The following AQP11 variants were observed in gnomAD, a reference collection of about 807,000 sequenced individuals.
AQP11 encodes aquaporin-11.
A neutral mutation model predicts 21.1 loss-of-function variants in AQP11; 20 were observed. That is an observed-to-expected ratio of 0.95 (90% CI 0.67 to 1.38). The LOEUF is 1.38. Among genes scored for constraint, AQP11 ranks in the 40% most tolerant of loss-of-function variants. The pLI, the probability that AQP11 is intolerant of heterozygous loss-of-function variation, is 0.00. For synonymous variants in AQP11, 167 were observed against 150.1 expected (o/e 1.11, Z -0.82); for missense variants, 339 against 340.4 (o/e 1.00, Z 0.03).
At chr11:77,602,549 T>C (rs1276097279) in intron 1 of AQP11, among the ~76,000 whole-genome samples, 1 of 152,240 alleles carries the variant, frequency 6.6e-6, no homozygotes, top group East Asian at 1.9e-4. Flanking sequence ...TGAATCATGC[T>C]GTGAGGCTGG....
chr11:77,604,130 G>A (rs867404022), intron 2 of AQP11, among the ~76,000 whole-genome samples: 2 of 150,362 alleles, frequency 1.3e-5, no homozygotes, highest in Admixed American at 6.6e-5. Flanking sequence ...GTTTTTTTTC[G>A]AGACAGGGTC....
rs767695226 is a variant in AQP11, at chr11:77,590,548, G to C, written c.556G>C (p.Glu186Gln). The change falls in exon 1 of 3, where the codon GAA (glutamate) becomes CAA (glutamine). Residue 186 changes from glutamate to glutamine, a missense_variant. Glu to Gln is a conservative substitution (Grantham distance 29, BLOSUM62 2). Coordinates refer to ENST00000313578, the MANE Select transcript of AQP11 (RefSeq NM_173039.3). ...LFHSALLHFQ[E>Q]VRTKLRIHLL... Reference sequence around the variant, plus strand: ...CCACAGCGCTCTGCTGCACTTCCAGGAAGTCCGAACCAAGCTTCGTATCCA... The same window carrying C: ...CCACAGCGCTCTGCTGCACTTCCAGCAAGTCCGAACCAAGCTTCGTATCCA... The C allele has an allele frequency of 1.2e-6, 2 of 1,614,188 alleles. No homozygotes were observed. The highest frequency in any genetic ancestry group is 1.7e-6 in the Non-Finnish European group (2 of 1,180,042).
intron 1 of AQP11, among the ~76,000 whole-genome samples, chr11:77,593,679 G>A (rs1164192796): frequency 6.6e-6 from 1 of 151,906 alleles, no homozygotes; most frequent in Non-Finnish European, 1.5e-5. Context: ...ACAACCCATC[G>A]ATGAATATAT....
Position 77,607,427 on chromosome 11 carries a change from G to C in AQP11, c.737-1871G>C, listed in dbSNP as rs114340729. 7.4e-3 allele frequency among the ~76,000 whole-genome samples: 1,125 copies of C among 152,214 alleles called. 16 individuals carry two copies. Among genetic ancestry groups the C allele is most frequent in the African/African-American group, 0.026 (1,090 of 41,536 alleles). On this transcript the variant is annotated intron_variant, in intron 2 of 2. Coordinates refer to ENST00000313578, the MANE Select transcript of AQP11 (RefSeq NM_173039.3). ...AGGGTGCCAGGGGAGTGAGACAGAG[G>C]AAAGAGTAATCCCAAGGTATCCACC...
At chr11:77,608,518 C>G (rs1958859097) in intron 2 of AQP11, among the ~76,000 whole-genome samples, 1 of 152,128 alleles carries the variant, frequency 6.6e-6, no homozygotes, top group Admixed American at 6.6e-5. Context: ...GAGGCTGAGG[C>G]AGGAGAATCG....
At chr11:77,600,839 C>T (rs1481684556) in intron 1 of AQP11, among the ~76,000 whole-genome samples, 1 of 151,916 alleles carries the variant, frequency 6.6e-6, no homozygotes, top group African/African-American at 2.4e-5. Context: ...GGTGAAACCC[C>T]GTCTCTACTA....
chr11:77,596,464 A>G (rs1180246472), intron 1 of AQP11, among the ~76,000 whole-genome samples: 2 of 142,980 alleles, frequency 1.4e-5, no homozygotes, highest in African/African-American at 5.1e-5. Context: ...AAATATATAT[A>G]TATATGTAAA....
chr11:77,603,739 A>G, intron 2 of AQP11, 67 bp downstream of exon 2: 1 of 1,151,192 alleles, frequency 8.7e-7, no homozygotes. Flanking sequence ...TGTGTATATC[A>G]TTGTAACATG....
chr11:77,601,656 CTG>C (rs2135749152), intron 1 of AQP11, among the ~76,000 whole-genome samples: 1 of 152,284 alleles, frequency 6.6e-6, no homozygotes, highest in African/African-American at 2.4e-5. Flanking sequence ...GGCCCCAAAA[CTG>C]AGAATAACTT....
Position 77,609,991 on chromosome 11 carries a change from G to C in AQP11, c.*614G>C, listed in dbSNP as rs1958868169. On this transcript the variant is annotated 3_prime_UTR_variant, in exon 3 of 3. Coordinates refer to ENST00000313578, the MANE Select transcript of AQP11 (RefSeq NM_173039.3). The stretch of plus-strand genomic sequence containing the variant: ...AGACAATCTCACTAGCTCCAGCCAA[G>C]TGGTTATTCTTTAATAGAATATAAT... The C allele has an allele frequency of 6.6e-6, 1 of 152,212 alleles. No individual in the cohort carries two copies. The highest frequency in any genetic ancestry group is 2.4e-5 in the African/African-American group (1 of 41,452). 9.4% of individuals were successfully genotyped at this position (152,212 alleles called of 1,614,324 possible).
At position 77,590,318 on chromosome 11, in the gene AQP11, T is replaced by A; in HGVS notation, c.326T>A (p.Leu109Gln). The change falls in exon 1 of 3, where the codon CTG becomes CAG. Residue 109 changes from leucine (L) to glutamine (Q), a missense_variant. Coordinates refer to ENST00000313578, the MANE Select transcript of AQP11 (RefSeq NM_173039.3). ...TGCGGCGTGATGATGCAGATGATGC[T>A]GGGGGGCATGTCCCCCGAGACGGGT... ...NPCGVMMQMM[L>Q]GGMSPETGAV... 4.3e-6 allele frequency: 7 copies of A among 1,609,652 alleles called. No homozygotes were observed. The highest frequency in any genetic ancestry group is 5.9e-6 in the Non-Finnish European group (7 of 1,176,894).
intron 1 of AQP11, among the ~76,000 whole-genome samples, chr11:77,596,034 G>T (rs1958776580): frequency 6.6e-6 from 1 of 151,812 alleles, no homozygotes; most frequent in African/African-American, 2.4e-5. Flanking sequence ...ACCTTCAAAG[G>T]TCCAAAATTT....
At position 77,609,845 on chromosome 11, in the gene AQP11, C is replaced by T. The variant is rs181735945; in HGVS notation, c.*468C>T. ...CACCTCACAAAATGATACCATCAAG[C>T]AGTGTCATCTTTCAACAGGAAAGTT... On this transcript the variant is annotated 3_prime_UTR_variant, in exon 3 of 3. Coordinates refer to ENST00000313578, the MANE Select transcript of AQP11 (RefSeq NM_173039.3). 10 of 152,452 alleles carry T rather than the reference C, an allele frequency of 6.6e-5. No homozygotes were observed. Among genetic ancestry groups the T allele is most frequent in the African/African-American group, 1.9e-4 (8 of 41,564 alleles). The allele number at this position is 152,452 out of a possible 1,614,324, so 9.4% of individuals were successfully genotyped here. A position where few individuals can be genotyped will look rare whatever the true frequency, so the allele number is the denominator to read the frequency against.
rs886295420 is a variant in AQP11 at position 77,603,726 on chromosome 11, A to G, written c.736+54A>G. 8.4e-6 allele frequency: 11 copies of G among 1,302,188 alleles called. No homozygotes were observed. In the Admixed American group the frequency reaches 8.7e-5, roughly 10 times the overall value. 80.7% of individuals were successfully genotyped at this position (1,302,188 alleles called of 1,614,324 possible). On this transcript the variant is annotated intron_variant, in intron 2 of 2. Coordinates refer to ENST00000313578, the MANE Select transcript of AQP11 (RefSeq NM_173039.3). Reference sequence around the variant, plus strand: ...AAAGATTAGGGTATTTTAAAATATGATATGTGTATATCATTGTAACATGTC... The same window carrying G: ...AAAGATTAGGGTATTTTAAAATATGGTATGTGTATATCATTGTAACATGTC...
chr11:77,592,001 C>T (rs1958751685), intron 1 of AQP11, among the ~76,000 whole-genome samples: 1 of 152,216 alleles, frequency 6.6e-6, no homozygotes, highest in African/African-American at 2.4e-5. Flanking sequence ...CACGGTGGCT[C>T]ACACCTGTCA....
chr11:77,600,775 G>C (rs1264919489), intron 1 of AQP11, among the ~76,000 whole-genome samples: 1 of 152,210 alleles, frequency 6.6e-6, no homozygotes, highest in Non-Finnish European at 1.5e-5. Flanking sequence ...CACTTTGGGA[G>C]GCCGAGGCGG....
intron 2 of AQP11, 60 bp downstream of exon 2, chr11:77,603,732 G>T: frequency 8.5e-7 from 1 of 1,175,328 alleles, no homozygotes. Context: ...TATGATATGT[G>T]TATATCATTG....
chr11:77,596,883 C>T (rs1376247053), intron 1 of AQP11, among the ~76,000 whole-genome samples: 1 of 151,636 alleles, frequency 6.6e-6, no homozygotes, highest in Non-Finnish European at 1.5e-5. Flanking sequence ...AAAGACTGTG[C>T]CCTTAGGCTG....
Position 77,590,173 on chromosome 11 carries a change from AC to A in AQP11, c.184del (p.His62ThrfsTer6). The A allele has an allele frequency of 6.2e-7, 1 of 1,604,834 alleles. No homozygotes were observed. The highest frequency in any genetic ancestry group is 8.5e-7 in the Non-Finnish European group (1 of 1,177,066). On this transcript the variant is annotated frameshift_variant, in exon 1 of 3. Transcript: ENST00000313578. LOFTEE classifies it high-confidence loss of function. ...FLATFQLCCC[T>X]HELQLLSEQH... Reference sequence around the variant, plus strand: ...AGCCACCTTCCAGCTCTGCTGCTGCACCCACGAGCTGCAACTGCTGAGCGAA... The same window carrying A: ...AGCCACCTTCCAGCTCTGCTGCTGCACCACGAGCTGCAACTGCTGAGCGAA...
Sources: gnomAD v4.1 joint callset for allele counts (sites outside exome capture counted in the v4.1 genomes callset) on GRCh38, gnomAD v4.1.1 for gene constraint, MANE v1.5 for transcripts, NCBI Gene and HGNC (gene_info 2026-07-23, HGNC 2026-07-21) for gene names.